NALCN: variants seen among roughly 807,000 people sequenced by gnomAD.
NALCN encodes sodium leak channel, non-selective, also known as sodium leak channel NALCN.
A neutral mutation model predicts 225.3 loss-of-function variants in NALCN; 111 were observed. The observed-to-expected ratio is 0.49, with a 90% CI of 0.42 to 0.58. NALCN has a LOEUF of 0.58. Among genes scored for constraint, NALCN ranks in the 20% least tolerant of loss-of-function variants. The pLI is 0.00. For synonymous variants in NALCN, 764 were observed against 769.0 expected, an observed-to-expected ratio of 0.99 and a Z score of 0.11; for missense variants, 1,378 against 2,202.4, an observed-to-expected ratio of 0.63 and a Z score of 7.49.
At chr13:101,318,396 T>C (rs1418364378) in intron 7 of NALCN, among the ~76,000 whole-genome samples, 1 of 152,208 alleles carries the variant, frequency 6.6e-6, no homozygotes, top group Non-Finnish European at 1.5e-5. Context: ...CCAGGCATAC[T>C]GCAAGTGGTT....
intron 17 of NALCN, among the ~76,000 whole-genome samples, chr13:101,141,702 T>A (rs1396681226): frequency 6.6e-6 from 1 of 150,396 alleles, no homozygotes; most frequent in Non-Finnish European, 1.5e-5. Context: ...GGAGGCGAGA[T>A]AAAGAGAAAG....
intron 15 of NALCN, among the ~76,000 whole-genome samples, chr13:101,163,408 T>C (rs1292170840): frequency 1.3e-5 from 2 of 152,070 alleles, no homozygotes; most frequent in Non-Finnish European, 2.9e-5. Context: ...CGAGTACCCA[T>C]GGATGAGGCA....
chr13:101,055,089 C>T lies in NALCN; in HGVS notation c.*206G>A. 1 of 554,274 alleles carries T rather than the reference C, an allele frequency of 1.8e-6. No individual in the cohort carries two copies. Among genetic ancestry groups the T allele is most frequent in the East Asian group, 2.9e-5 (1 of 34,432 alleles). The allele number at this position is 554,274 out of a possible 1,614,324, so 34.3% of individuals were successfully genotyped here. ...TAATATTATCAGTACTGTCATTATA[C>T]AAAAATTTTTTTGAGCAATGATTGA... On this transcript the variant is annotated 3_prime_UTR_variant, in exon 44 of 44. Transcript: ENST00000251127.
intron 26 of NALCN, among the ~76,000 whole-genome samples, chr13:101,102,474 A>G (rs765789773): frequency 1.3e-5 from 2 of 152,138 alleles, no homozygotes; most frequent in African/African-American, 4.8e-5. Flanking sequence ...GACCTCATCA[A>G]TAATAAAAAA....
At chr13:101,329,599 C>CAAGG (rs142712300) in intron 7 of NALCN, among the ~76,000 whole-genome samples, 11,689 of 152,002 alleles carry the variant, frequency 0.077, 556 homozygotes, top group African/African-American at 0.13. Context: ...ATTAAAAGTT[C>CAAGG]AAGGAAATAC....
intron 34 of NALCN, among the ~76,000 whole-genome samples, chr13:101,077,364 G>C (rs974084586): frequency 3.3e-5 from 5 of 152,210 alleles, no homozygotes; most frequent in Non-Finnish European, 7.3e-5. Context: ...GGAACAATTT[G>C]GAGGACTCAG....
intron 10 of NALCN, among the ~76,000 whole-genome samples, chr13:101,261,728 G>A (rs1394155802): frequency 6.6e-6 from 1 of 152,204 alleles, no homozygotes; most frequent in African/African-American, 2.4e-5. Flanking sequence ...TTGTTCATCA[G>A]TTCTTATAGT....
intron 1 of NALCN, among the ~76,000 whole-genome samples, chr13:101,404,539 T>G (rs1429941953): frequency 6.6e-6 from 1 of 152,070 alleles, no homozygotes; most frequent in Non-Finnish European, 1.5e-5. Flanking sequence ...ACATTGTGTC[T>G]GCCACCGAAC....
intron 10 of NALCN, among the ~76,000 whole-genome samples, chr13:101,271,952 G>A (rs2042797494): frequency 6.6e-6 from 1 of 151,400 alleles, no homozygotes; most frequent in East Asian, 1.9e-4. Flanking sequence ...GTGTGTGCAT[G>A]AGCATGTGCG....
At chr13:101,409,180 C>A (rs1403844922) in intron 1 of NALCN, among the ~76,000 whole-genome samples, 1 of 152,066 alleles carries the variant, frequency 6.6e-6, no homozygotes, top group African/African-American at 2.4e-5. Flanking sequence ...ACCCTGCACG[C>A]CCAAACTAAA....
chr13:101,286,625 T>C (rs1277158418), intron 9 of NALCN, among the ~76,000 whole-genome samples: 1 of 152,198 alleles, frequency 6.6e-6, no homozygotes, highest in Non-Finnish European at 1.5e-5. Context: ...AAGCAACTTA[T>C]TTTGGGCTTT....
intron 9 of NALCN, among the ~76,000 whole-genome samples, chr13:101,285,151 C>G (rs866369863): frequency 6.6e-6 from 1 of 152,104 alleles, no homozygotes; most frequent in Middle Eastern, 3.2e-3. Context: ...TGCAAAGATC[C>G]CATTACCTAG....
chr13:101,156,015 T>C (rs1406530061), intron 15 of NALCN, among the ~76,000 whole-genome samples: 2 of 152,172 alleles, frequency 1.3e-5, no homozygotes, highest in Non-Finnish European at 1.5e-5. Flanking sequence ...TATTCAATCA[T>C]GTATCTGTAT....
chr13:101,073,819 T>C, intron 36 of NALCN, 142 bp from the exon 37 acceptor site: 1 of 622,138 alleles, frequency 1.6e-6, no homozygotes, highest in South Asian at 2.3e-5. Context: ...TATACCTTTT[T>C]ATTAATTTGT....
At chr13:101,336,703 T>C (rs1388174760) in intron 7 of NALCN, among the ~76,000 whole-genome samples, 3 of 152,226 alleles carry the variant, frequency 2.0e-5, no homozygotes, top group Non-Finnish European at 4.4e-5. Flanking sequence ...TTATGTCACA[T>C]TCTAATAAAG....
intron 27 of NALCN, among the ~76,000 whole-genome samples, chr13:101,098,813 A>G (rs2034653756): frequency 6.6e-6 from 1 of 151,880 alleles, no homozygotes; most frequent in Non-Finnish European, 1.5e-5. Context: ...GGATTTGAGA[A>G]GACAAAAAGA....
At chr13:101,195,521 T>C (rs2039853679) in intron 13 of NALCN, among the ~76,000 whole-genome samples, 2 of 152,234 alleles carry the variant, frequency 1.3e-5, no homozygotes, top group South Asian at 4.1e-4. Flanking sequence ...GCTTTATTAT[T>C]TTAAACATGT....
intron 14 of NALCN, among the ~76,000 whole-genome samples, chr13:101,186,088 G>A (rs996823465): frequency 5.9e-5 from 9 of 152,208 alleles, no homozygotes; most frequent in Non-Finnish European, 1.0e-4. Flanking sequence ...TCACCCTCAC[G>A]CATGTGTTTA....
chr13:101,227,873 GACATTTAGT>G (rs1216280925), intron 13 of NALCN, among the ~76,000 whole-genome samples: 1 of 152,220 alleles, frequency 6.6e-6, no homozygotes, highest in Non-Finnish European at 1.5e-5. Context: ...GCTCACCTCA[GACATTTAGT>G]ACATGCTGTT....
Sources: gnomAD v4.1 joint callset for allele counts (sites outside exome capture counted in the v4.1 genomes callset) on GRCh38, gnomAD v4.1.1 for gene constraint, MANE v1.5 for transcripts, NCBI Gene and HGNC (gene_info 2026-07-23, HGNC 2026-07-21) for gene names.